The following MRC2 variants were observed in gnomAD, a reference collection of about 807,000 sequenced individuals.
MRC2 encodes mannose receptor C-type 2.
Under a neutral mutation model 206.2 loss-of-function variants are expected in MRC2, and 84 were observed. The observed-to-expected ratio is 0.41, with a 90% confidence interval of 0.34 to 0.49. MRC2 has a LOEUF of 0.49. Ranked by LOEUF, MRC2 falls within the 20% of genes least tolerant of loss-of-function variation. The probability of loss-of-function intolerance (pLI) is 0.31; values close to 1 mark genes in which losing one functional copy is unlikely to be tolerated. For missense variants in MRC2, 1,676 were observed against 2,001.5 expected (o/e 0.84, Z 3.10); for synonymous variants, 798 against 800.0 (o/e 1.00, Z 0.04).
chr17:62,667,245 C>A lies in MRC2; in HGVS notation c.974-145C>A. ...GCGCGGAGGACCCCGTGGTCTGGGG[C>A]GGAGCTGGAGCTGAGCACCAGGCTT... is the stretch of plus-strand genomic sequence containing the variant. On this transcript the variant is annotated intron_variant, in intron 5 of 29. Coordinates refer to ENST00000303375, the MANE Select transcript of MRC2 (RefSeq NM_006039.5). This position sits in a 1 kb window ranked among gnomAD's most constrained non-coding sequence, Gnocchi z 4.1. 1.9e-6 allele frequency: 2 copies of A among 1,075,320 alleles called. No homozygotes were observed. The highest frequency in any genetic ancestry group is 1.7e-5 in the South Asian group (1 of 57,828). 66.6% of individuals were successfully genotyped at this position (1,075,320 alleles called of 1,614,324 possible). A position where few individuals can be genotyped will look rare whatever the true frequency, so the allele number is the denominator to read the frequency against.
Position 62,689,676 on chromosome 17 carries a change from G to T in MRC2, c.3489G>T (p.Val1163=). ...GCCGCAATGCCAGCCTGGCCTACGT[G>T]CCCGACCCCTACACCCAGGCCTTCC... ...CESRNASLAY[V]PDPYTQAFLT... The change falls in exon 24 of 30, where the codon GTG becomes GTT. Residue 1163 remains valine, a synonymous_variant. Transcript: ENST00000303375. 2 of 1,587,820 alleles carry T rather than the reference G, an allele frequency of 1.3e-6. No homozygotes were observed. The highest frequency in any genetic ancestry group is 8.6e-7 in the Non-Finnish European group (1 of 1,167,458).
At position 62,666,740 on chromosome 17, in the gene MRC2, T is replaced by G. The variant is rs766218305; in HGVS notation, c.860-17T>G. On this transcript the variant is annotated splice_polypyrimidine_tract_variant and intron_variant, in intron 4 of 29. Transcript: ENST00000303375. The surrounding 1 kb of genome is among the most constrained non-coding windows in gnomAD (Gnocchi z 5.0). The stretch of plus-strand genomic sequence containing the variant: ...GGGGCTGGGGATCCCCTGTTCAGTG[T>G]CCCTCCTTGCTGTCAGGCCTCCTCA... 1 of 1,611,702 alleles carries G rather than the reference T, an allele frequency of 6.2e-7. No individual in the cohort carries two copies. The highest frequency in any genetic ancestry group is 8.5e-7 in the Non-Finnish European group (1 of 1,178,750).
At position 62,680,015 on chromosome 17, in the gene MRC2, G is replaced by T; in HGVS notation, c.2298+113G>T. The T allele has an allele frequency of 6.8e-7, 1 of 1,472,478 alleles. No individual in the cohort carries two copies. Among genetic ancestry groups the T allele is most frequent in the Non-Finnish European group, 9.2e-7 (1 of 1,089,402 alleles). 91.2% of individuals were successfully genotyped at this position (1,472,478 alleles called of 1,614,324 possible). On this transcript the variant is annotated intron_variant, in intron 14 of 29. Coordinates refer to ENST00000303375, the MANE Select transcript of MRC2 (RefSeq NM_006039.5). This position sits in a 1 kb window ranked among gnomAD's most constrained non-coding sequence, Gnocchi z 4.8. ...TTTCTTGAGGGCCGGGCCCCCAGTCGGAGCCGGCTTCAGGAAAGCAGGTCC... is the reference window on the plus strand; with the variant it reads ...TTTCTTGAGGGCCGGGCCCCCAGTCTGAGCCGGCTTCAGGAAAGCAGGTCC...
intron 1 of MRC2, among the ~76,000 whole-genome samples, chr17:62,658,351 A>C (rs564497828): frequency 3.1e-4 from 47 of 152,298 alleles, no homozygotes; most frequent in Non-Finnish European, 4.7e-4. Flanking sequence ...CACCTAGCAG[A>C]AAGTTGGGTG....
intron 1 of MRC2, among the ~76,000 whole-genome samples, chr17:62,647,381 C>T (rs1215462143): frequency 6.6e-6 from 1 of 151,822 alleles, no homozygotes; most frequent in African/African-American, 2.4e-5. Flanking sequence ...GAAGGGGTTT[C>T]ACTATGTTGG....
chr17:62,691,344 G>T (rs906340708), intron 28 of MRC2, among the ~76,000 whole-genome samples: 1 of 152,356 alleles, frequency 6.6e-6, no homozygotes, highest in Non-Finnish European at 1.5e-5. Flanking sequence ...AGGCTCGGGG[G>T]TCAGCAACCC....
chr17:62,690,847 G>T, intron 27 of MRC2, 86 bp downstream of exon 27: 1 of 1,496,248 alleles, frequency 6.7e-7, no homozygotes, highest in Non-Finnish European at 8.9e-7. Context: ...TTGTCCTGGG[G>T]CTTGTCGGGG....
At chr17:62,679,227 A>G (rs2147480492) in intron 13 of MRC2, among the ~76,000 whole-genome samples, 1 of 152,250 alleles carries the variant, frequency 6.6e-6, no homozygotes, top group African/African-American at 2.4e-5. Flanking sequence ...CTCTCAGCAA[A>G]CATTGAAATT....
At chr17:62,637,104 T>C (rs2088331961) in intron 1 of MRC2, among the ~76,000 whole-genome samples, 1 of 152,170 alleles carries the variant, frequency 6.6e-6, no homozygotes, top group South Asian at 2.1e-4. Flanking sequence ...GACTCATGCC[T>C]GTAATCCCAG....
chr17:62,636,113 G>A (rs1598965134), intron 1 of MRC2, among the ~76,000 whole-genome samples: 1 of 151,218 alleles, frequency 6.6e-6, no homozygotes, highest in East Asian at 1.9e-4. Context: ...AATTAGCTGG[G>A]CACAGTGGTG....
chr17:62,678,394 G>T (rs2088919923), intron 12 of MRC2, 110 bp from the exon 13 acceptor site: 1 of 1,436,686 alleles, frequency 7.0e-7, no homozygotes, highest in Non-Finnish European at 9.3e-7. Flanking sequence ...TTAGCCCCCT[G>T]TCCAGTAAGG....
chr17:62,677,349 C>T lies in MRC2; in HGVS notation c.1915C>T (p.Arg639Trp), dbSNP rs754790541. ...LWEVKNCTSF[R>W]ARYICRQSLG... ...GGAGGTGAAGAACTGTACCTCGTTC[C>T]GGGCCCGCTACATCTGCCGGCAGAG... The change falls in exon 12 of 30, where the codon CGG becomes TGG. Residue 639 changes from arginine to tryptophan, a missense_variant. This residue lies in a region of MRC2 where 1,354 missense variants were observed against 1,636.6 expected (regional missense o/e 0.83). Transcript: ENST00000303375. 24 of 1,608,942 alleles carry T rather than the reference C, an allele frequency of 1.5e-5. No individual in the cohort carries two copies. The highest frequency in any genetic ancestry group is 8.9e-5 in the East Asian group (4 of 44,698).
intron 1 of MRC2, among the ~76,000 whole-genome samples, chr17:62,628,755 G>C (rs1435302135): frequency 6.6e-6 from 1 of 152,178 alleles, no homozygotes; most frequent in Non-Finnish European, 1.5e-5. Flanking sequence ...TGAAGTGTGG[G>C]GACAGACAGA....
intron 1 of MRC2, among the ~76,000 whole-genome samples, chr17:62,650,430 T>G (rs62076123): frequency 1.3e-5 from 2 of 152,194 alleles, no homozygotes; most frequent in Non-Finnish European, 2.9e-5. Flanking sequence ...CGACTGGAAA[T>G]CTACATTTTT....
Position 62,627,697 on chromosome 17 carries a change from C to T in MRC2, c.-106C>T. On this transcript the variant is annotated 5_prime_UTR_variant, in exon 1 of 30. It adds an upstream start codon to the 5' untranslated region. Coordinates refer to ENST00000303375, the MANE Select transcript of MRC2 (RefSeq NM_006039.5). ...CACTTCGTCCCGACCCGGAGGAGGA[C>T]GCGAGCCCCTTGCGGGCGGTCATCA... 1.3e-6 allele frequency: 1 copy of T among 795,374 alleles called. No individual in the cohort carries two copies. Among genetic ancestry groups the T allele is most frequent in the Non-Finnish European group, 1.8e-6 (1 of 568,174 alleles). The allele number at this position is 795,374 out of a possible 1,614,324, so 49.3% of individuals were successfully genotyped here. A position where few individuals can be genotyped will look rare whatever the true frequency, so the allele number is the denominator to read the frequency against.
intron 6 of MRC2, among the ~76,000 whole-genome samples, chr17:62,670,423 C>G (rs2088813293): frequency 6.6e-6 from 1 of 152,230 alleles, no homozygotes; most frequent in Non-Finnish European, 1.5e-5. Context: ...GTCCGCCCAG[C>G]TTTGCCGGGT....
chr17:62,674,245 AACTCC>A, intron 9 of MRC2, 75 bp downstream of exon 9: 1 of 1,100,426 alleles, frequency 9.1e-7, no homozygotes, highest in South Asian at 1.5e-5. Flanking sequence ...GAGGTGGATG[AACTCC>A]TGCTGCCTCG....
rs754824545 is a variant in MRC2, at chr17:62,690,673, G to A, written c.3924G>A (p.Glu1308=). The part of the protein sequence containing the change: ...AGGAVLSILD[E]MENVFVWEHL... ...GGGCCGTCCTGTCTATCCTGGATGA[G>A]ATGGAGAATGTGTTTGTCTGGGAGC... is the stretch of plus-strand genomic sequence containing the variant. The change falls in exon 27 of 30, where the codon GAG becomes GAA. Residue 1308 remains glutamate, a synonymous_variant. Coordinates refer to ENST00000303375, the MANE Select transcript of MRC2 (RefSeq NM_006039.5). The A allele has an allele frequency of 6.2e-7, 1 of 1,613,038 alleles. No homozygotes were observed. Among genetic ancestry groups the A allele is most frequent in the Non-Finnish European group, 8.5e-7 (1 of 1,179,540 alleles).
chr17:62,655,147 G>T (rs368592902), intron 1 of MRC2, among the ~76,000 whole-genome samples: 1 of 145,864 alleles, frequency 6.9e-6, no homozygotes, highest in Non-Finnish European at 1.5e-5. Flanking sequence ...TTAGCCGGGC[G>T]TGGTGGCGGG....
Sources: allele counts gnomAD v4.1 joint callset (sites outside exome capture counted in the v4.1 genomes callset), GRCh38; gene constraint gnomAD v4.1.1; regional missense constraint gnomAD v4.1.1; non-coding constraint Gnocchi (gnomAD v3.1); transcripts MANE v1.5; gene names NCBI Gene and HGNC (gene_info 2026-07-23, HGNC 2026-07-21).